Variants in ST7 observed in about 807,000 individuals in gnomAD.
ST7 encodes suppression of tumorigenicity 7, also known as suppressor of tumorigenicity 7 protein.
In ST7, 28 loss-of-function variants were observed where a neutral mutation model predicts 78.7. That is an observed-to-expected ratio of 0.36 (90% CI 0.26 to 0.49). The LOEUF (loss-of-function observed/expected upper bound fraction) is 0.49. ST7 is among the 20% of genes least tolerant of loss of function. The pLI is 0.99. For missense variants in ST7, 418 were observed against 696.0 expected (o/e 0.60, Z 4.49); for synonymous variants, 247 against 249.6 (o/e 0.99, Z 0.10).
intron 10 of ST7, among the ~76,000 whole-genome samples, chr7:117,172,410 C>G (rs1435809546): frequency 6.6e-6 from 1 of 152,154 alleles, no homozygotes; most frequent in African/African-American, 2.4e-5. Flanking sequence ...AGCCTTCAGC[C>G]AGTGATGGCA....
At chr7:117,002,813 CTTTTTTTTTTTTT>C (rs397970060) in intron 1 of ST7, among the ~76,000 whole-genome samples, 29 of 72,156 alleles carry the variant, frequency 4.0e-4, no homozygotes, top group African/African-American at 8.2e-4. Flanking sequence ...ATTTTTTTTC[CTTTTTTTTTTTTT>C]TTTTTTTTTT....
intron 2 of ST7, among the ~76,000 whole-genome samples, chr7:117,111,910 G>A (rs1244781909): frequency 6.6e-6 from 1 of 152,192 alleles, no homozygotes; most frequent in South Asian, 2.1e-4. Context: ...ATCTCAAAAT[G>A]TTGATAGAAT....
intron 12 of ST7, among the ~76,000 whole-genome samples, chr7:117,203,399 G>A (rs1415959428): frequency 6.6e-6 from 1 of 152,204 alleles, no homozygotes; most frequent in Non-Finnish European, 1.5e-5. Context: ...GTGTGTTAGT[G>A]TGTAATCAGT....
chr7:117,147,492 A>G (rs1272581391), intron 9 of ST7, among the ~76,000 whole-genome samples: 1 of 151,904 alleles, frequency 6.6e-6, no homozygotes, highest in Non-Finnish European at 1.5e-5. Context: ...TATATTTTAA[A>G]AATTTATTAC....
chr7:116,974,551 A>G (rs1208790158), intron 1 of ST7, among the ~76,000 whole-genome samples: 1 of 152,152 alleles, frequency 6.6e-6, no homozygotes, highest in East Asian at 1.9e-4. Context: ...TCGGTCTCCC[A>G]AAGTGCTGGG....
chr7:117,086,230 T>C (rs776292211), intron 1 of ST7, among the ~76,000 whole-genome samples: 3 of 152,190 alleles, frequency 2.0e-5, no homozygotes, highest in Non-Finnish European at 4.4e-5. Flanking sequence ...TATAGTAACA[T>C]GATGGTTGGC....
chr7:117,031,587 T>C lies in ST7; in HGVS notation c.152-68175T>C, dbSNP rs62638825. On this transcript the variant is annotated intron_variant, in intron 1 of 15. Transcript: ENST00000323984. ...ATATGTGTGTATATGTGCATATATA[T>C]GCATATATGTGTGTATATGTGCATA... is the stretch of plus-strand genomic sequence containing the variant. 0.047 allele frequency among the ~76,000 whole-genome samples: 14 copies of C among 298 alleles called. 7 individuals carry two copies. The Non-Finnish European group carries it at 1, about 21-fold the overall frequency. 0.2% of individuals were successfully genotyped at this position (298 alleles called of 152,430 possible).
intron 15 of ST7, among the ~76,000 whole-genome samples, chr7:117,225,466 C>G (rs1463851462): frequency 6.6e-6 from 1 of 152,130 alleles, no homozygotes; most frequent in Non-Finnish European, 1.5e-5. Flanking sequence ...TCTGTAGAGA[C>G]TGTGTGGGGA....
intron 1 of ST7, chr7:116,959,190 C>A (rs1260325272): frequency 2.1e-6 from 1 of 469,740 alleles, no homozygotes; most frequent in South Asian, 1.5e-5. Context: ...TAGATTCTAT[C>A]TCAAAACACT....
chr7:117,166,526 C>T lies in ST7; in HGVS notation c.964-4336C>T, dbSNP rs1375258408. 2.6e-5 allele frequency among the ~76,000 whole-genome samples: 4 copies of T among 151,252 alleles called. No homozygotes were observed. The East Asian group carries it at 7.8e-4, about 29-fold the overall frequency. On this transcript the variant is annotated intron_variant, in intron 9 of 15. Coordinates refer to ENST00000323984, the MANE Select transcript of ST7 (RefSeq NM_001369598.1). Reference sequence around the variant, plus strand: ...AATTTGTATTAACATCTGCTTATTTCCTTGGGATAAATCTCGTCATGTCCG... The same window carrying T: ...AATTTGTATTAACATCTGCTTATTTTCTTGGGATAAATCTCGTCATGTCCG...
intron 9 of ST7, chr7:117,145,371 A>C (rs189003881): frequency 6.6e-6 from 1 of 152,342 alleles, no homozygotes; most frequent in East Asian, 1.9e-4. Context: ...TAGATAGTTT[A>C]AACAACAGAA....
intron 8 of ST7, 89 bp downstream of exon 8, chr7:117,136,324 A>T: frequency 6.7e-7 from 1 of 1,486,970 alleles, no homozygotes; most frequent in South Asian, 1.1e-5. Flanking sequence ...TCAAAATATG[A>T]TTCTCCTAGA....
At chr7:117,066,584 A>AT (rs1451445783) in intron 1 of ST7, among the ~76,000 whole-genome samples, 3 of 151,890 alleles carry the variant, frequency 2.0e-5, no homozygotes, top group African/African-American at 7.3e-5. Context: ...ATATGGTGAA[A>AT]TCCCATCTCT....
intron 3 of ST7, among the ~76,000 whole-genome samples, chr7:117,122,644 T>C (rs188132073): frequency 6.6e-6 from 1 of 152,346 alleles, no homozygotes; most frequent in East Asian, 1.9e-4. Flanking sequence ...AGTGTTCAAA[T>C]AGTTATCCTT....
intron 3 of ST7, 86 bp from the exon 4 acceptor site, chr7:117,129,707 T>C: frequency 9.8e-7 from 1 of 1,017,382 alleles, no homozygotes; most frequent in African/African-American, 1.6e-5. Flanking sequence ...TCTTATCAAA[T>C]GGCAGGAAGG....
At chr7:117,194,090 C>T (rs543113380) in intron 12 of ST7, among the ~76,000 whole-genome samples, 1 of 152,278 alleles carries the variant, frequency 6.6e-6, no homozygotes, top group South Asian at 2.1e-4. Context: ...TGTTCTGAAG[C>T]AGAGCCACTT....
intron 2 of ST7, among the ~76,000 whole-genome samples, chr7:117,115,955 A>G (rs185746247): frequency 1.3e-5 from 2 of 152,190 alleles, no homozygotes; most frequent in East Asian, 3.9e-4. Flanking sequence ...CCATCTCTTC[A>G]TCCAACATCA....
chr7:117,015,934 C>T (rs946030391), intron 1 of ST7, among the ~76,000 whole-genome samples: 3 of 152,190 alleles, frequency 2.0e-5, no homozygotes, highest in African/African-American at 7.2e-5. Flanking sequence ...GGATTGAACT[C>T]TACTTACACA....
intron 1 of ST7, among the ~76,000 whole-genome samples, chr7:117,057,221 C>G (rs1001029568): frequency 6.6e-6 from 1 of 152,042 alleles, no homozygotes; most frequent in Admixed American, 6.6e-5. Context: ...TGTCATTATA[C>G]TTATGTATTC....
Sources: allele counts gnomAD v4.1 joint callset (sites outside exome capture counted in the v4.1 genomes callset), GRCh38; gene constraint gnomAD v4.1.1; transcripts MANE v1.5; gene names NCBI Gene and HGNC (gene_info 2026-07-23, HGNC 2026-07-21).